Variants in SBF2 observed in about 807,000 individuals in gnomAD.
SBF2 encodes myotubularin-related protein 13.
A neutral mutation model predicts 225.2 loss-of-function variants in SBF2; 112 were observed. The ratio of observed to expected loss-of-function variants is 0.50; its 90% confidence interval spans 0.43 to 0.58. The LOEUF is 0.58. SBF2 is among the 20% of genes least tolerant of loss of function. The probability of loss-of-function intolerance (pLI) is 0.00; values close to 1 mark genes in which losing one functional copy is unlikely to be tolerated. For synonymous variants in SBF2, 763 were observed against 773.3 expected (o/e 0.99, Z 0.22); for missense variants, 1,996 against 2,206.2 (o/e 0.90, Z 1.91).
chr11:9,868,313 T>C (rs1858404875), intron 17 of SBF2, among the ~76,000 whole-genome samples: 1 of 110,372 alleles, frequency 9.1e-6, no homozygotes, highest in Admixed American at 1.4e-4. Flanking sequence ...GCTAACACAG[T>C]GAAATCCCGT....
intron 2 of SBF2, among the ~76,000 whole-genome samples, chr11:10,077,623 T>A (rs939744164): frequency 6.6e-6 from 1 of 152,134 alleles, no homozygotes; most frequent in Admixed American, 6.5e-5. Flanking sequence ...TTAAACCTTA[T>A]ACAAAAATTA....
At chr11:9,850,430 A>AT (rs1322380710) in intron 21 of SBF2, among the ~76,000 whole-genome samples, 6 of 151,878 alleles carry the variant, frequency 4.0e-5, no homozygotes, top group East Asian at 1.9e-4. Context: ...TTATTTTTAA[A>AT]TTTTTTTTGT....
intron 13 of SBF2, among the ~76,000 whole-genome samples, chr11:9,975,184 A>G (rs530910626): frequency 6.6e-6 from 1 of 152,238 alleles, no homozygotes; most frequent in South Asian, 2.1e-4. Flanking sequence ...AGAGAAATGA[A>G]AACTTATATT....
intron 2 of SBF2, among the ~76,000 whole-genome samples, chr11:10,128,254 A>C (rs2135083087): frequency 6.6e-6 from 1 of 152,334 alleles, no homozygotes; most frequent in African/African-American, 2.4e-5. Flanking sequence ...TCACGAAGTC[A>C]GGCATTGTAT....
chr11:10,231,962 C>T (rs936394560), intron 1 of SBF2, among the ~76,000 whole-genome samples: 5 of 152,218 alleles, frequency 3.3e-5, no homozygotes, highest in South Asian at 2.1e-4. Flanking sequence ...CCACCCAGTT[C>T]GAGCTTCCCG....
chr11:10,127,791 C>T (rs369173914), intron 2 of SBF2, among the ~76,000 whole-genome samples: 31 of 152,018 alleles, frequency 2.0e-4, no homozygotes, highest in East Asian at 5.8e-4. Context: ...TAATACAGAA[C>T]AGAATACACA....
chr11:10,228,324 G>A (rs1958670359), intron 1 of SBF2, among the ~76,000 whole-genome samples: 1 of 152,092 alleles, frequency 6.6e-6, no homozygotes, highest in Non-Finnish European at 1.5e-5. Context: ...TCCTTCTCCT[G>A]CCTGATTGCC....
At position 9,778,826 on chromosome 11, in the gene SBF2, T is replaced by C. The variant is rs1403221709; in HGVS notation, c.*1592A>G. 6.6e-6 allele frequency: 1 copy of C among 152,652 alleles called. No homozygotes were observed. The highest frequency in any genetic ancestry group is 1.5e-5 in the Non-Finnish European group (1 of 68,038). 9.5% of individuals were successfully genotyped at this position (152,652 alleles called of 1,614,324 possible). A position where few individuals can be genotyped will look rare whatever the true frequency, so the allele number is the denominator to read the frequency against. ...AATTTAATTCAAGGTGGTTAGTGAA[T>C]GTGAGGCAATGTAATGCCTTCACGA... On this transcript the variant is annotated 3_prime_UTR_variant, in exon 40 of 40. Coordinates refer to ENST00000256190, the MANE Select transcript of SBF2 (RefSeq NM_030962.4).
intron 2 of SBF2, among the ~76,000 whole-genome samples, chr11:10,065,405 G>C (rs1950591298): frequency 6.6e-6 from 1 of 151,614 alleles, no homozygotes; most frequent in Non-Finnish European, 1.5e-5. Context: ...AGATAATAGG[G>C]ATAAAAACAG....
intron 39 of SBF2, among the ~76,000 whole-genome samples, chr11:9,781,167 C>G (rs759268993): frequency 3.9e-5 from 6 of 152,188 alleles, no homozygotes; most frequent in Non-Finnish European, 8.8e-5. Context: ...TAGTCAAGCA[C>G]GAAGACCACT....
intron 2 of SBF2, among the ~76,000 whole-genome samples, chr11:10,183,352 A>T (rs1209752156): frequency 6.6e-6 from 1 of 152,156 alleles, no homozygotes. Flanking sequence ...TCCAAGGGAA[A>T]CTTCTAAAAA....
In SBF2 at chr11:9,942,936, A is replaced by G. The variant is rs182405310; in HGVS notation, c.1860+19021T>C. Among the ~76,000 whole-genome samples, 1,019 of 150,630 alleles carry G rather than the reference A, an allele frequency of 6.8e-3. 10 individuals carry two copies. Among genetic ancestry groups the G allele is most frequent in the Middle Eastern group, 0.031 (9 of 292 alleles). On this transcript the variant is annotated intron_variant, in intron 16 of 39. Coordinates refer to ENST00000256190, the MANE Select transcript of SBF2 (RefSeq NM_030962.4). ...GAAAGAAAGAAAGAAAGAAAGAAAG[A>G]AAGAAGGAAGGAACGAAGGAAGGAA...
intron 2 of SBF2, among the ~76,000 whole-genome samples, chr11:10,062,020 T>C (rs994458312): frequency 1.1e-4 from 17 of 151,974 alleles, no homozygotes; most frequent in African/African-American, 3.9e-4. Context: ...AAGAGACCAA[T>C]AGAGAGCCCA....
chr11:10,074,159 A>T (rs1951004025), intron 2 of SBF2, among the ~76,000 whole-genome samples: 1 of 152,164 alleles, frequency 6.6e-6, no homozygotes, highest in Non-Finnish European at 1.5e-5. Context: ...AGAAAGAGTG[A>T]CCCAGAGTTA....
chr11:10,282,975 TAC>T (rs1963513254), intron 1 of SBF2, among the ~76,000 whole-genome samples: 1 of 152,184 alleles, frequency 6.6e-6, no homozygotes. Flanking sequence ...GACATTCACA[TAC>T]ACACATTTTT....
intron 18 of SBF2, among the ~76,000 whole-genome samples, chr11:9,857,747 A>G (rs78776444): frequency 0.093 from 14,134 of 152,226 alleles, 714 homozygotes; most frequent in East Asian, 0.19. Flanking sequence ...AATTTTTTTG[A>G]TATTTTTCAT....
chr11:10,036,902 A>C (rs1452313159), intron 3 of SBF2, among the ~76,000 whole-genome samples: 1 of 152,216 alleles, frequency 6.6e-6, no homozygotes, highest in African/African-American at 2.4e-5. Flanking sequence ...AACAATACAC[A>C]GTTCTCACTG....
At chr11:9,831,091 T>C (rs1424797436) in intron 27 of SBF2, among the ~76,000 whole-genome samples, 1 of 152,184 alleles carries the variant, frequency 6.6e-6, no homozygotes, top group East Asian at 1.9e-4. Flanking sequence ...CTTTACCTCA[T>C]GGGCTCAAGT....
intron 33 of SBF2, 79 bp downstream of exon 33, chr11:9,795,752 A>ATAGT: frequency 6.6e-7 from 1 of 1,508,774 alleles, no homozygotes; most frequent in Non-Finnish European, 9.2e-7. Context: ...AGTCTTGGGG[A>ATAGT]TAGTTACATT....
Sources: gnomAD v4.1 joint callset for allele counts (sites outside exome capture counted in the v4.1 genomes callset) on GRCh38, gnomAD v4.1.1 for gene constraint, MANE v1.5 for transcripts, NCBI Gene and HGNC (gene_info 2026-07-23, HGNC 2026-07-21) for gene names.